EXT2: variants seen among roughly 807,000 people sequenced by gnomAD.
EXT2 encodes the protein exostosin-2.
EXT2 carries 53 observed loss-of-function variants against 81.6 expected under a neutral mutation model. That is an observed-to-expected ratio of 0.65 (90% CI 0.52 to 0.82). The LOEUF is 0.82. Ranked by LOEUF, EXT2 falls within the 40% of genes least tolerant of loss-of-function variation. The pLI is 0.00. For synonymous variants in EXT2, 320 were observed against 340.0 expected, an observed-to-expected ratio of 0.94 and a Z score of 0.65; for missense variants, 774 against 910.2, an observed-to-expected ratio of 0.85 and a Z score of 1.93.
chr11:44,244,951 C>T lies in EXT2; in HGVS notation c.*664C>T, dbSNP rs1220178315. On this transcript the variant is annotated 3_prime_UTR_variant, in exon 14 of 14. Transcript: ENST00000533608. ...CCTTTTTCTACTGTGTCTTAAACAC[C>T]AATTCCTGATAGTCCAAGGAACCAC... 2.6e-5 allele frequency: 6 copies of T among 232,436 alleles called. No homozygotes were observed. Among genetic ancestry groups the T allele is most frequent in the Non-Finnish European group, 5.1e-5 (6 of 117,708 alleles). The allele number at this position is 232,436 out of a possible 1,614,324, so 14.4% of individuals were successfully genotyped here.
At chr11:44,221,790 G>T (rs893344686) in intron 10 of EXT2, among the ~76,000 whole-genome samples, 2 of 152,194 alleles carry the variant, frequency 1.3e-5, no homozygotes, top group Non-Finnish European at 2.9e-5. Context: ...CATTTCTCCT[G>T]AATATGAAGC....
intron 12 of EXT2, 24 bp from the exon 13 acceptor site, chr11:44,236,269 T>C (rs773973218): frequency 4.4e-6 from 7 of 1,605,676 alleles, no homozygotes; most frequent in Admixed American, 1.7e-5. Flanking sequence ...GACAGCCAGG[T>C]ATGTTTTTGT....
intron 4 of EXT2, among the ~76,000 whole-genome samples, chr11:44,121,377 A>G (rs948866220): frequency 6.6e-6 from 1 of 152,196 alleles, no homozygotes; most frequent in Non-Finnish European, 1.5e-5. Context: ...ACAGATGTCT[A>G]TCTATTTGTG....
chr11:44,185,046 G>A (rs1184230255), intron 8 of EXT2, among the ~76,000 whole-genome samples: 2 of 152,210 alleles, frequency 1.3e-5, no homozygotes, highest in African/African-American at 2.4e-5. Context: ...AGAAAGAAAA[G>A]TGACTTTTGT....
At position 44,198,163 on chromosome 11, in the gene EXT2, A is replaced by C. The variant is rs189384755; in HGVS notation, c.1495+145A>C. On this transcript the variant is annotated intron_variant, in intron 9 of 13. Transcript: ENST00000533608. The stretch of plus-strand genomic sequence containing the variant: ...TGCCTCCATTTTTCTCAGTCATCTC[A>C]TTCTTGTTCTAGGGTGGCCCATTTA... The C allele has an allele frequency of 1.1e-4, 92 of 859,900 alleles. No homozygotes were observed. The African/African-American group carries it at 1.3e-3, about 12-fold the overall frequency. The allele number at this position is 859,900 out of a possible 1,614,324, so 53.3% of individuals were successfully genotyped here.
intron 7 of EXT2, among the ~76,000 whole-genome samples, chr11:44,165,392 A>G (rs903624310): frequency 1.3e-5 from 2 of 152,248 alleles, no homozygotes; most frequent in East Asian, 3.9e-4. Flanking sequence ...TCAAGGTATT[A>G]CAGAAGACCT....
At chr11:44,117,660 G>C (rs745511497) in intron 4 of EXT2, among the ~76,000 whole-genome samples, 1 of 152,198 alleles carries the variant, frequency 6.6e-6, no homozygotes, top group Non-Finnish European at 1.5e-5. Flanking sequence ...ATTCGAATCT[G>C]TTGGTCTATA....
chr11:44,243,247 A>G (rs1956057219), intron 13 of EXT2, among the ~76,000 whole-genome samples: 1 of 152,106 alleles, frequency 6.6e-6, no homozygotes, highest in African/African-American at 2.4e-5. Context: ...CTCTGGCCTA[A>G]TGCTGAAGCG....
chr11:44,149,173 G>A (rs1380720445), intron 7 of EXT2, among the ~76,000 whole-genome samples: 2 of 152,102 alleles, frequency 1.3e-5, no homozygotes, highest in African/African-American at 4.8e-5. Flanking sequence ...ACCAGCCTGG[G>A]CAACACAGCA....
At chr11:44,207,177 G>C (rs1021662424) in intron 10 of EXT2, among the ~76,000 whole-genome samples, 3 of 152,210 alleles carry the variant, frequency 2.0e-5, no homozygotes, top group African/African-American at 7.2e-5. Context: ...GCCCTCCACT[G>C]GTTTTGGGAA....
chr11:44,144,465 C>T (rs1954689250), intron 7 of EXT2: 4 of 807,120 alleles, frequency 5.0e-6, no homozygotes, highest in Non-Finnish European at 7.8e-6. Flanking sequence ...ACCCCAATGG[C>T]TCTTGGAGGT....
intron 8 of EXT2, among the ~76,000 whole-genome samples, chr11:44,194,603 A>G (rs1165037786): frequency 6.6e-6 from 1 of 152,038 alleles, no homozygotes; most frequent in Non-Finnish European, 1.5e-5. Flanking sequence ...CTTGAACATC[A>G]TTTGCTATTT....
chr11:44,192,688 T>C (rs1188355709), intron 8 of EXT2, among the ~76,000 whole-genome samples: 1 of 152,202 alleles, frequency 6.6e-6, no homozygotes, highest in Non-Finnish European at 1.5e-5. Flanking sequence ...AGGAGGTAGA[T>C]ACTATCATGA....
intron 8 of EXT2, among the ~76,000 whole-genome samples, chr11:44,197,239 C>G (rs994429263): frequency 6.6e-6 from 1 of 152,112 alleles, no homozygotes; most frequent in African/African-American, 2.4e-5. Context: ...CCTCTAACTG[C>G]TCCTTAAACA....
intron 8 of EXT2, among the ~76,000 whole-genome samples, chr11:44,187,822 T>C (rs946261918): frequency 6.6e-6 from 1 of 152,168 alleles, no homozygotes; most frequent in African/African-American, 2.4e-5. Flanking sequence ...GCCCATCCAC[T>C]GATCACCTCT....
At chr11:44,122,246 A>G (rs888371268) in intron 4 of EXT2, among the ~76,000 whole-genome samples, 6 of 152,216 alleles carry the variant, frequency 3.9e-5, no homozygotes, top group Non-Finnish European at 5.9e-5. Flanking sequence ...TTTTTACTGA[A>G]AAAGTTTCTG....
chr11:44,102,214 A>T (rs1053057750), intron 1 of EXT2, among the ~76,000 whole-genome samples: 2 of 152,202 alleles, frequency 1.3e-5, no homozygotes, highest in Non-Finnish European at 2.9e-5. Context: ...TATAATATTT[A>T]GACCTTTATA....
chr11:44,112,643 G>A (rs1954161960), intron 3 of EXT2, among the ~76,000 whole-genome samples: 1 of 152,166 alleles, frequency 6.6e-6, no homozygotes, highest in Non-Finnish European at 1.5e-5. Flanking sequence ...TGCAGTCGTG[G>A]CTCTTTTTGA....
intron 7 of EXT2, among the ~76,000 whole-genome samples, chr11:44,142,475 A>G (rs1273999870): frequency 6.6e-6 from 1 of 152,222 alleles, no homozygotes; most frequent in Non-Finnish European, 1.5e-5. Flanking sequence ...CATTTTGATA[A>G]GGAGTTTAAT....
Sources: gnomAD v4.1 joint callset for allele counts (sites outside exome capture counted in the v4.1 genomes callset) on GRCh38, gnomAD v4.1.1 for gene constraint, MANE v1.5 for transcripts, NCBI Gene and HGNC (gene_info 2026-07-23, HGNC 2026-07-21) for gene names.